RRBP1: variants seen among roughly 807,000 people sequenced by gnomAD.
The protein encoded by RRBP1 is ribosome binding protein 1, also known as ribosome-binding protein 1.
In RRBP1, 94 loss-of-function variants were observed where a neutral mutation model predicts 165.2. The observed-to-expected ratio is 0.57, with a 90% CI of 0.48 to 0.68. RRBP1 has a LOEUF of 0.68. Among genes scored for constraint, RRBP1 ranks in the 30% least tolerant of loss-of-function variants. The pLI is 0.00. For synonymous variants in RRBP1, 680 were observed against 714.5 expected, an observed-to-expected ratio of 0.95 and a Z score of 0.77; for missense variants, 1,676 against 1,763.0, an observed-to-expected ratio of 0.95 and a Z score of 0.88.
intron 11 of RRBP1, among the ~76,000 whole-genome samples, chr20:17,626,809 C>A (rs1203038472): frequency 1.3e-5 from 2 of 152,180 alleles, no homozygotes; most frequent in Non-Finnish European, 2.9e-5. Context: ...CATGGCCTGG[C>A]GCTGGTGCTG....
chr20:17,638,146 C>T (rs1284211516), intron 5 of RRBP1, among the ~76,000 whole-genome samples: 5 of 152,228 alleles, frequency 3.3e-5, no homozygotes, highest in African/African-American at 7.2e-5. Flanking sequence ...AGGACCCCTC[C>T]GCACTTCCTC....
chr20:17,663,937 C>T (rs1292273292), intron 2 of RRBP1, among the ~76,000 whole-genome samples: 1 of 152,156 alleles, frequency 6.6e-6, no homozygotes, highest in East Asian at 1.9e-4. Flanking sequence ...CTTTTACTCC[C>T]TGCAGTGGTC....
At chr20:17,675,913 A>G (rs1312297115) in intron 2 of RRBP1, among the ~76,000 whole-genome samples, 3 of 152,226 alleles carry the variant, frequency 2.0e-5, no homozygotes, top group Admixed American at 2.0e-4. Flanking sequence ...AACCCGGGGC[A>G]GAGGTGAGAG....
At chr20:17,644,033 C>A (rs2036416942) in intron 3 of RRBP1, among the ~76,000 whole-genome samples, 1 of 148,938 alleles carries the variant, frequency 6.7e-6, no homozygotes, top group Non-Finnish European at 1.5e-5. Flanking sequence ...ACAGCAGCCC[C>A]TCAGCTGAGC....
chr20:17,680,836 G>A (rs2037167695), intron 1 of RRBP1, among the ~76,000 whole-genome samples: 1 of 152,054 alleles, frequency 6.6e-6, no homozygotes, highest in African/African-American at 2.4e-5. Context: ...GCCAACACTT[G>A]TGGCTCCTTC....
At position 17,613,882 on chromosome 20, in the gene RRBP1, G is replaced by A. The variant is rs551582520; in HGVS notation, c.*300C>T. On this transcript the variant is annotated 3_prime_UTR_variant, in exon 25 of 25. Coordinates refer to ENST00000377813, the MANE Select transcript of RRBP1 (RefSeq NM_001365613.2). ...TGCACTGACAGACAGACCCCAGAGC[G>A]CCCGGCCTCCCACACACCCACGGGG... 12 of 325,888 alleles carry A rather than the reference G, an allele frequency of 3.7e-5. No homozygotes were observed. The highest frequency in any genetic ancestry group is 2.5e-4 in the East Asian group (4 of 16,278). 20.2% of individuals were successfully genotyped at this position (325,888 alleles called of 1,614,324 possible).
At chr20:17,616,389 G>A (rs1023677674) in intron 21 of RRBP1, among the ~76,000 whole-genome samples, 14 of 152,288 alleles carry the variant, frequency 9.2e-5, no homozygotes, top group African/African-American at 3.4e-4. Flanking sequence ...TCCTGCTAGC[G>A]ATGTCCCAGC....
chr20:17,621,288 G>A (rs2061885579), intron 16 of RRBP1, among the ~76,000 whole-genome samples, 170 bp downstream of exon 16: 2 of 152,078 alleles, frequency 1.3e-5, no homozygotes, highest in Admixed American at 1.3e-4. Flanking sequence ...AAACAATGAC[G>A]ACCTCAGAGG....
chr20:17,647,660 A>G (rs1465831580), intron 3 of RRBP1, among the ~76,000 whole-genome samples: 2 of 152,168 alleles, frequency 1.3e-5, no homozygotes, highest in Admixed American at 6.5e-5. Flanking sequence ...AGAGAGGCCC[A>G]GGTGTCAACC....
chr20:17,644,957 A>G lies in RRBP1; in HGVS notation c.1913-1830T>C, dbSNP rs543474753. ...GGCTGAGGACATTTACATCACATCCATGGCTCACACGTGTGTGGCTCACAT... is the reference window on the plus strand; with the variant it reads ...GGCTGAGGACATTTACATCACATCCGTGGCTCACACGTGTGTGGCTCACAT... On this transcript the variant is annotated intron_variant, in intron 3 of 24. Coordinates refer to ENST00000377813, the MANE Select transcript of RRBP1 (RefSeq NM_001365613.2). Among the ~76,000 whole-genome samples the G allele has an allele frequency of 8.5e-5, 13 of 152,334 alleles. No individual in the cohort carries two copies. The South Asian group carries it at 2.5e-3, about 29-fold the overall frequency.
In RRBP1 at chr20:17,621,528, C is replaced by T. The variant is rs1206029783; in HGVS notation, c.3344G>A (p.Arg1115Lys). The T allele has an allele frequency of 1.2e-6, 2 of 1,612,656 alleles. No individual in the cohort carries two copies. The highest frequency in any genetic ancestry group is 1.7e-5 in the Admixed American group (1 of 60,016). Residue 1115 changes from arginine to lysine, a missense_variant, in exon 16 of 25, where the codon AGG becomes AAG. This residue lies in a region of RRBP1 where 1,184 missense variants were observed against 1,167.1 expected (regional missense o/e 1.01). Transcript: ENST00000377813. Reference protein sequence around the residue: ...EPSSDLASKLREAEETQSTLQ... With the variant: ...EPSSDLASKLKEAEETQSTLQ... ...TGTGCTCTGCGTCTCCTCGGCCTCC[C>T]TCAACTTGGAGGCCAGGTCCTGAGA...
In RRBP1 at chr20:17,627,439, G is replaced by C. The variant is rs2036048661; in HGVS notation, c.2929-57C>G. The C allele has an allele frequency of 3.1e-6, 5 of 1,611,190 alleles. No homozygotes were observed. The South Asian group carries it at 4.4e-5, about 14-fold the overall frequency. On this transcript the variant is annotated intron_variant, in intron 10 of 24. Transcript: ENST00000377813. ...CAGGAGACTCATCTCACGCAGCGGGGCTAGTCCACCCACCTGCTAGATGGA... is the reference window on the plus strand; with the variant it reads ...CAGGAGACTCATCTCACGCAGCGGGCCTAGTCCACCCACCTGCTAGATGGA...
At chr20:17,639,533 C>T (rs1013268416) in intron 5 of RRBP1, among the ~76,000 whole-genome samples, 2 of 152,244 alleles carry the variant, frequency 1.3e-5, no homozygotes, top group Non-Finnish European at 2.9e-5. Flanking sequence ...CTGCCACACT[C>T]TCTGGAATTT....
chr20:17,658,521 C>T, intron 3 of RRBP1, 75 bp downstream of exon 3: 1 of 1,279,460 alleles, frequency 7.8e-7, no homozygotes. Context: ...ATACAGGTGG[C>T]ACTCCCCGAG....
chr20:17,645,355 T>A (rs2036445462), intron 3 of RRBP1, among the ~76,000 whole-genome samples: 1 of 152,224 alleles, frequency 6.6e-6, no homozygotes, highest in Admixed American at 6.5e-5. Flanking sequence ...TTCCATTCTA[T>A]TAGATATTTT....
At chr20:17,633,687 G>T (rs778771823) in intron 7 of RRBP1, 74 bp from the exon 8 acceptor site, 7 of 1,485,974 alleles carry the variant, frequency 4.7e-6, no homozygotes, top group Non-Finnish European at 6.4e-6. Context: ...CCTCCCTCCA[G>T]GACTCCAGCT....
intron 2 of RRBP1, among the ~76,000 whole-genome samples, chr20:17,672,662 A>C (rs987345425): frequency 6.6e-6 from 1 of 152,004 alleles, no homozygotes; most frequent in African/African-American, 2.4e-5. Context: ...CTGCAATTCT[A>C]CTCCTAGGTA....
rs756964296 is a variant in RRBP1, at chr20:17,627,456, C to T, written c.2928+48G>A. On this transcript the variant is annotated intron_variant, in intron 10 of 24. Transcript: ENST00000377813. ...GCAGCGGGGCTAGTCCACCCACCTG[C>T]TAGATGGAGTTCCCTTTCCTCCCCG... 2.4e-5 allele frequency: 38 copies of T among 1,608,290 alleles called. No homozygotes were observed. In the South Asian group the frequency reaches 4.1e-4, roughly 17 times the overall value.
intron 5 of RRBP1, among the ~76,000 whole-genome samples, chr20:17,640,377 C>T (rs970852427): frequency 6.6e-6 from 1 of 152,114 alleles, no homozygotes; most frequent in Non-Finnish European, 1.5e-5. Flanking sequence ...AGAGGAGTCA[C>T]GAAAGGGCAC....
Sources: allele counts gnomAD v4.1 joint callset (sites outside exome capture counted in the v4.1 genomes callset), GRCh38; gene constraint gnomAD v4.1.1; regional missense constraint gnomAD v4.1.1; transcripts MANE v1.5; gene names NCBI Gene and HGNC (gene_info 2026-07-23, HGNC 2026-07-21).